Variants in EIPR1 observed in about 807,000 individuals in gnomAD.
EIPR1 encodes the protein EARP complex and GARP complex interacting protein 1.
EIPR1 carries 25 observed loss-of-function variants against 48.1 expected under a neutral mutation model. That is an observed-to-expected ratio of 0.52 (90% CI 0.38 to 0.73). EIPR1 has a LOEUF of 0.73. Ranked by LOEUF, EIPR1 falls within the 30% of genes least tolerant of loss-of-function variation. The pLI is 0.00. For synonymous variants in EIPR1, 204 were observed against 201.9 expected, an observed-to-expected ratio of 1.01 and a Z score of -0.09; for missense variants, 415 against 506.2, an observed-to-expected ratio of 0.82 and a Z score of 1.73.
At chr2:3,377,103 C>T (rs755722414) in intron 1 of EIPR1, among the ~76,000 whole-genome samples, 6 of 152,158 alleles carry the variant, frequency 3.9e-5, no homozygotes, top group African/African-American at 4.8e-5. Context: ...AGTGTGAAAA[C>T]AGTTGAATCC....
At chr2:3,250,255 C>CCT (rs974100739) in intron 4 of EIPR1, among the ~76,000 whole-genome samples, 1 of 152,234 alleles carries the variant, frequency 6.6e-6, no homozygotes, top group African/African-American at 2.4e-5. Context: ...GGAGCCCAAT[C>CCT]CTCACACCAG....
chr2:3,237,235 C>T (rs1666434208), intron 4 of EIPR1, among the ~76,000 whole-genome samples: 1 of 148,834 alleles, frequency 6.7e-6, no homozygotes, highest in African/African-American at 2.5e-5. Context: ...CACACACACA[C>T]ACACACACAC....
intron 5 of EIPR1, among the ~76,000 whole-genome samples, chr2:3,200,748 C>G (rs986619990): frequency 1.3e-5 from 2 of 152,068 alleles, no homozygotes; most frequent in African/African-American, 4.8e-5. Flanking sequence ...CAGGCCAAGG[C>G]ATCCGCGGTG....
chr2:3,194,275 C>T (rs1664718662), intron 6 of EIPR1, 109 bp from the exon 7 acceptor site: 1 of 1,395,160 alleles, frequency 7.2e-7, no homozygotes, highest in South Asian at 1.3e-5. Context: ...ATCCCCCGGC[C>T]CAGGGTGCTC....
intron 4 of EIPR1, among the ~76,000 whole-genome samples, chr2:3,251,002 A>G (rs1426463637): frequency 1.3e-5 from 2 of 152,188 alleles, no homozygotes; most frequent in Non-Finnish European, 2.9e-5. Flanking sequence ...AAACAGACTA[A>G]CAGAGGCAGC....
rs1422329129 is a variant in EIPR1 at position 3,374,516 on chromosome 2, C to G, written c.42+3132G>C. ...GCTAATATCCAGAATCTACAATGAA[C>G]TCAAACAAATTTACAAGAAAAAAAC... On this transcript the variant is annotated intron_variant, in intron 1 of 8. Transcript: ENST00000382125. Among the ~76,000 whole-genome samples, 6 of 152,236 alleles carry G rather than the reference C, an allele frequency of 3.9e-5. No homozygotes were observed. In the East Asian group the frequency reaches 1.2e-3, roughly 29 times the overall value.
intron 3 of EIPR1, among the ~76,000 whole-genome samples, chr2:3,332,412 C>A (rs546149357): frequency 6.6e-6 from 1 of 152,318 alleles, no homozygotes; most frequent in Admixed American, 6.5e-5. Flanking sequence ...CCTGCGTGAC[C>A]AGGCTTCTTC....
At chr2:3,326,296 G>A (rs1378315927) in intron 3 of EIPR1, among the ~76,000 whole-genome samples, 3 of 152,096 alleles carry the variant, frequency 2.0e-5, no homozygotes, top group South Asian at 2.1e-4. Context: ...ACAGATGAAC[G>A]CTCCAGAGGT....
intron 3 of EIPR1, among the ~76,000 whole-genome samples, chr2:3,293,217 T>G (rs532834723): frequency 6.6e-6 from 1 of 152,190 alleles, no homozygotes; most frequent in Non-Finnish European, 1.5e-5. Flanking sequence ...GATGAGGGCC[T>G]CCCCTTGAGC....
chr2:3,217,157 A>C (rs1665666009), intron 4 of EIPR1, among the ~76,000 whole-genome samples: 1 of 152,268 alleles, frequency 6.6e-6, no homozygotes, highest in Non-Finnish European at 1.5e-5. Context: ...TGATTAATTC[A>C]GAGCAAAATA....
intron 3 of EIPR1, chr2:3,274,207 G>C (rs778285289): frequency 2.1e-6 from 3 of 1,411,274 alleles, no homozygotes; most frequent in Non-Finnish European, 2.8e-6. Context: ...AAAACAGCAG[G>C]CACAATATCA....
chr2:3,332,519 G>A (rs561677582), intron 3 of EIPR1, among the ~76,000 whole-genome samples: 10 of 152,122 alleles, frequency 6.6e-5, no homozygotes, highest in African/African-American at 1.4e-4. Flanking sequence ...CGTCCTCCTC[G>A]GAGGCCAGCC....
chr2:3,320,121 G>A (rs558150221), intron 3 of EIPR1: 79 of 179,980 alleles, frequency 4.4e-4, no homozygotes, highest in African/African-American at 1.9e-3. Flanking sequence ...CCGCCCCTGG[G>A]GGCAACACCA....
intron 4 of EIPR1, among the ~76,000 whole-genome samples, chr2:3,234,347 A>C (rs1045880620): frequency 6.6e-6 from 1 of 152,212 alleles, no homozygotes; most frequent in Non-Finnish European, 1.5e-5. Context: ...AACCACTCAG[A>C]ATTCCTTCTT....
At chr2:3,342,050 CT>C (rs1390725485) in intron 2 of EIPR1, among the ~76,000 whole-genome samples, 1 of 152,030 alleles carries the variant, frequency 6.6e-6, no homozygotes, top group Non-Finnish European at 1.5e-5. Context: ...TTGTCCAATT[CT>C]TTTATGTTTG....
chr2:3,348,412 G>A (rs778628966), intron 2 of EIPR1, among the ~76,000 whole-genome samples: 1 of 152,194 alleles, frequency 6.6e-6, no homozygotes, highest in Non-Finnish European at 1.5e-5. Flanking sequence ...GGGAAAGTCT[G>A]TGGGAAATGC....
At chr2:3,213,001 T>C (rs914260592) in intron 5 of EIPR1, among the ~76,000 whole-genome samples, 1 of 152,198 alleles carries the variant, frequency 6.6e-6, no homozygotes, top group Admixed American at 6.5e-5. Context: ...TTATTAATAA[T>C]GATGCATCAT....
At chr2:3,199,068 CCCCG>C (rs758671529) in intron 5 of EIPR1, among the ~76,000 whole-genome samples, 2,523 of 52,504 alleles carry the variant, frequency 0.048, 907 homozygotes, top group Non-Finnish European at 0.067. Flanking sequence ...AGGGCCCCCC[CCCCG>C]CCCCGGGAAT....
At chr2:3,254,282 G>A (rs998007487) in intron 4 of EIPR1, among the ~76,000 whole-genome samples, 6 of 152,168 alleles carry the variant, frequency 3.9e-5, no homozygotes, top group African/African-American at 9.7e-5. Flanking sequence ...GAGCCCTCAC[G>A]CTCTGTCATG....
Sources: allele counts gnomAD v4.1 joint callset (sites outside exome capture counted in the v4.1 genomes callset), GRCh38; gene constraint gnomAD v4.1.1; transcripts MANE v1.5; gene names NCBI Gene and HGNC (gene_info 2026-07-23, HGNC 2026-07-21).